Variants in GALNT13 observed in about 807,000 individuals in gnomAD.
GALNT13 encodes UDP-GalNAc:polypeptide N-acetylgalactosaminyltransferase 13.
Under a neutral mutation model 64.2 loss-of-function variants are expected in GALNT13, and 28 were observed. The observed-to-expected ratio is 0.44, with a 90% CI of 0.32 to 0.60. The LOEUF (loss-of-function observed/expected upper bound fraction) is 0.60. Ranked by LOEUF, GALNT13 falls within the 20% of genes least tolerant of loss-of-function variation. The pLI is 0.05. For synonymous variants in GALNT13, 214 were observed against 224.6 expected (o/e 0.95, Z 0.42); for missense variants, 577 against 669.8 (o/e 0.86, Z 1.53).
chr2:154,049,950 T>G (rs532267531), intron 3 of GALNT13, among the ~76,000 whole-genome samples: 14 of 152,278 alleles, frequency 9.2e-5, no homozygotes, highest in Admixed American at 2.0e-4. Flanking sequence ...AAAATCACAA[T>G]ATAGCTAAAC....
chr2:153,572,391 C>CA, the GALNT13 span, among the ~76,000 whole-genome samples: 29,574 of 148,268 alleles, frequency 0.2, 3,673 homozygotes, highest in Admixed American at 0.35. Flanking sequence ...TTTAATGTTT[C>CA]AAAAAAACAA....
the GALNT13 span, among the ~76,000 whole-genome samples, chr2:153,073,643 A>G: frequency 6.6e-6 from 1 of 152,188 alleles, no homozygotes; most frequent in Non-Finnish European, 1.5e-5. Flanking sequence ...TATTTGTAAA[A>G]GATAAGCATT....
the GALNT13 span, among the ~76,000 whole-genome samples, chr2:153,702,319 G>C: frequency 6.6e-6 from 1 of 152,030 alleles, no homozygotes; most frequent in African/African-American, 2.4e-5. Flanking sequence ...CCCAGGGAGG[G>C]GAACAACATA....
intron 11 of GALNT13, among the ~76,000 whole-genome samples, chr2:154,425,563 T>C (rs1488738063): frequency 2.0e-5 from 3 of 152,178 alleles, no homozygotes; most frequent in Non-Finnish European, 4.4e-5. Flanking sequence ...GAAATATATG[T>C]TCAAAAGCCA....
the GALNT13 span, among the ~76,000 whole-genome samples, chr2:153,483,052 T>C: frequency 1.3e-5 from 2 of 152,310 alleles, no homozygotes; most frequent in South Asian, 4.1e-4. Context: ...GATTTCCATA[T>C]AAAATGGTTG....
the GALNT13 span, among the ~76,000 whole-genome samples, chr2:153,260,173 A>G: frequency 6.6e-6 from 1 of 152,296 alleles, no homozygotes; most frequent in East Asian, 1.9e-4. Flanking sequence ...CTATGTCTTG[A>G]AAAGTTACTG....
At chr2:153,094,303 G>A in the GALNT13 span, among the ~76,000 whole-genome samples, 1 of 151,854 alleles carries the variant, frequency 6.6e-6, no homozygotes. Context: ...TATCTGATAT[G>A]TTTTGGTATG....
At chr2:153,943,519 A>G (rs1256384991) in intron 2 of GALNT13, among the ~76,000 whole-genome samples, 2 of 149,766 alleles carry the variant, frequency 1.3e-5, no homozygotes, top group Admixed American at 1.3e-4. Flanking sequence ...TTTGAGACAG[A>G]GTTTTGCTCT....
chr2:154,157,417 C>T (rs1338021957), intron 4 of GALNT13, among the ~76,000 whole-genome samples: 10 of 152,032 alleles, frequency 6.6e-5, no homozygotes, highest in African/African-American at 1.7e-4. Context: ...CTCACTATGT[C>T]GCCCAGGCTG....
the GALNT13 span, among the ~76,000 whole-genome samples, chr2:153,623,015 A>T: frequency 6.6e-6 from 1 of 152,056 alleles, no homozygotes; most frequent in Admixed American, 6.6e-5. Context: ...TCTAGTTTTT[A>T]TGCTTTGTAT....
the GALNT13 span, among the ~76,000 whole-genome samples, chr2:153,439,787 C>A: frequency 6.6e-6 from 1 of 152,110 alleles, no homozygotes; most frequent in African/African-American, 2.4e-5. Flanking sequence ...GATGCCTTTC[C>A]CTGCTTCGGC....
chr2:153,733,308 G>GA, the GALNT13 span, among the ~76,000 whole-genome samples: 2 of 152,100 alleles, frequency 1.3e-5, no homozygotes, highest in South Asian at 4.1e-4. Context: ...TTAGAAAATG[G>GA]AAAAAATTAA....
chr2:154,244,010 T>G (rs1272833307), intron 6 of GALNT13, among the ~76,000 whole-genome samples: 1 of 152,184 alleles, frequency 6.6e-6, no homozygotes, highest in Non-Finnish European at 1.5e-5. Context: ...TTCCACTCTG[T>G]GTATTGTACA....
the GALNT13 span, among the ~76,000 whole-genome samples, chr2:153,260,062 T>A: frequency 1.3e-5 from 2 of 152,222 alleles, no homozygotes; most frequent in Non-Finnish European, 2.9e-5. Context: ...ACTATTTGCA[T>A]AAGCAAACAA....
chr2:153,415,260 A>G, the GALNT13 span, among the ~76,000 whole-genome samples: 2 of 152,170 alleles, frequency 1.3e-5, no homozygotes, highest in South Asian at 4.1e-4. Context: ...TCCACCATGT[A>G]AAGGATGCCA....
chr2:154,197,879 GA>G (rs1342198073), intron 4 of GALNT13, among the ~76,000 whole-genome samples: 1 of 151,288 alleles, frequency 6.6e-6, no homozygotes, highest in Non-Finnish European at 1.5e-5. Flanking sequence ...CTAGATAACA[GA>G]AACACAAATG....
intron 8 of GALNT13, among the ~76,000 whole-genome samples, chr2:154,266,372 A>T (rs1691001407): frequency 6.6e-6 from 1 of 152,142 alleles, no homozygotes. Flanking sequence ...AATCCAATGG[A>T]ATCTACAAAA....
At chr2:153,805,545 C>T in the GALNT13 span, among the ~76,000 whole-genome samples, 1 of 151,898 alleles carries the variant, frequency 6.6e-6, no homozygotes, top group African/African-American at 2.4e-5. Flanking sequence ...TAGTGATGAA[C>T]GTTAACTATA....
the GALNT13 span, among the ~76,000 whole-genome samples, chr2:153,626,904 C>T: frequency 3.3e-5 from 5 of 152,108 alleles, no homozygotes; most frequent in South Asian, 2.1e-4. Flanking sequence ...TAATCCCAGA[C>T]GTGTGGAATT....
Sources: allele counts gnomAD v4.1 joint callset (sites outside exome capture counted in the v4.1 genomes callset), GRCh38; gene constraint gnomAD v4.1.1; transcripts MANE v1.5; gene names NCBI Gene and HGNC (gene_info 2026-07-23, HGNC 2026-07-21).